The following PRKD1 variants were observed in gnomAD, a reference collection of about 807,000 sequenced individuals.
PRKD1 encodes protein kinase D1.
A neutral mutation model predicts 95.9 loss-of-function variants in PRKD1; 63 were observed. The ratio of observed to expected loss-of-function variants is 0.66; its 90% confidence interval spans 0.54 to 0.81. The LOEUF (loss-of-function observed/expected upper bound fraction) is 0.81, where lower values mean the gene tolerates loss of function less well. Ranked by LOEUF, PRKD1 falls within the 30% of genes least tolerant of loss-of-function variation. The probability of loss-of-function intolerance (pLI) is 0.00; values close to 1 mark genes in which losing one functional copy is unlikely to be tolerated. For synonymous variants in PRKD1, 425 were observed against 423.1 expected, an observed-to-expected ratio of 1.00 and a Z score of -0.05; for missense variants, 1,048 against 1,165.3, an observed-to-expected ratio of 0.90 and a Z score of 1.47.
At chr14:29,801,765 C>T (rs987548439) in intron 1 of PRKD1, among the ~76,000 whole-genome samples, 3 of 152,022 alleles carry the variant, frequency 2.0e-5, no homozygotes, top group South Asian at 4.1e-4. Flanking sequence ...CTCGGCTCAT[C>T]GCAACCTCCG....
rs201541198 is a variant in PRKD1, at chr14:29,612,710, TA to T, written c.1905+11441del. 7.3e-3 allele frequency among the ~76,000 whole-genome samples: 1,108 copies of T among 152,314 alleles called. 23 individuals carry two copies. Among genetic ancestry groups the T allele is most frequent in the Admixed American group, 0.035 (530 of 15,296 alleles). On this transcript the variant is annotated intron_variant, in intron 13 of 17. Transcript: ENST00000331968. The stretch of plus-strand genomic sequence containing the variant: ...TTGTTTTCCCTATTTTAGACATATA[TA>T]CATAACCTATACAGTTTATTTTGGA...
chr14:29,635,412 T>C (rs1880300786), intron 7 of PRKD1, among the ~76,000 whole-genome samples: 1 of 152,160 alleles, frequency 6.6e-6, no homozygotes, highest in Non-Finnish European at 1.5e-5. Flanking sequence ...TAAAGAAGTG[T>C]ATGTCTTCAA....
At chr14:29,754,842 T>A (rs1887625757) in intron 1 of PRKD1, among the ~76,000 whole-genome samples, 1 of 152,138 alleles carries the variant, frequency 6.6e-6, no homozygotes, top group South Asian at 2.1e-4. Flanking sequence ...GTTTAGTATT[T>A]TTTATCCAAC....
chr14:29,594,992 CTTT>C (rs113886267), intron 16 of PRKD1, among the ~76,000 whole-genome samples: 1 of 145,718 alleles, frequency 6.9e-6, no homozygotes, highest in South Asian at 2.2e-4. Flanking sequence ...AGCTAGGTAA[CTTT>C]TTTTTTTTTT....
chr14:29,586,477 G>A (rs1892933280), intron 16 of PRKD1, among the ~76,000 whole-genome samples: 1 of 152,052 alleles, frequency 6.6e-6, no homozygotes, highest in Non-Finnish European at 1.5e-5. Flanking sequence ...TGGAAAATCT[G>A]GCTTATCAAC....
intron 2 of PRKD1, among the ~76,000 whole-genome samples, chr14:29,675,627 G>A (rs1883114905): frequency 6.6e-6 from 1 of 152,092 alleles, no homozygotes; most frequent in Admixed American, 6.6e-5. Context: ...TCCCATTACT[G>A]GGTATATACC....
In PRKD1 at chr14:29,663,148, CAT is replaced by C. The variant is rs61506580; in HGVS notation, c.696+549_696+550del. The stretch of plus-strand genomic sequence containing the variant: ...CTTATGGATATAGTTAATATTCTTC[CAT>C]ATATATATATATATATATATTCTAG... On this transcript the variant is annotated intron_variant, in intron 4 of 17. Coordinates refer to ENST00000331968, the MANE Select transcript of PRKD1 (RefSeq NM_002742.3). Among the ~76,000 whole-genome samples, 777 of 131,552 alleles carry C rather than the reference CAT, an allele frequency of 5.9e-3. 3 individuals are homozygous for C. The highest frequency in any genetic ancestry group is 0.015 in the East Asian group (71 of 4,636). 86.3% of individuals were successfully genotyped at this position (131,552 alleles called of 152,430 possible).
chr14:29,794,229 G>T (rs953259384), intron 1 of PRKD1, among the ~76,000 whole-genome samples: 1 of 151,670 alleles, frequency 6.6e-6, no homozygotes, highest in Admixed American at 6.6e-5. Context: ...ATGCACATTA[G>T]AGTATTTAGC....
chr14:29,601,756 A>G (rs1440659361), intron 13 of PRKD1, among the ~76,000 whole-genome samples: 5 of 152,214 alleles, frequency 3.3e-5, no homozygotes, highest in Non-Finnish European at 7.3e-5. Flanking sequence ...GGCACTATGG[A>G]ACATGTGATA....
intron 1 of PRKD1, among the ~76,000 whole-genome samples, chr14:29,763,437 G>A (rs1459813739): frequency 1.1e-5 from 1 of 91,766 alleles, no homozygotes; most frequent in Non-Finnish European, 2.2e-5. Flanking sequence ...GAGGGGGAGG[G>A]AGGGGGGAGG....
chr14:29,880,757 AC>A (rs138348202), intron 1 of PRKD1, among the ~76,000 whole-genome samples: 5,295 of 152,242 alleles, frequency 0.035, 115 homozygotes, highest in East Asian at 0.061. Context: ...GACCATGGGA[AC>A]CCACCTCTTC....
intron 3 of PRKD1, 100 bp from the exon 4 acceptor site, chr14:29,663,959 A>G: frequency 1.7e-6 from 2 of 1,196,336 alleles, no homozygotes; most frequent in East Asian, 2.6e-5. Flanking sequence ...TACAGCTTCC[A>G]TTTTCCTTGA....
chr14:29,627,939 A>ATAAC (rs1184091831), intron 11 of PRKD1, among the ~76,000 whole-genome samples: 1 of 152,162 alleles, frequency 6.6e-6, no homozygotes, highest in African/African-American at 2.4e-5. Context: ...AGGCTTTCCG[A>ATAAC]TAACTCAATG....
intron 1 of PRKD1, among the ~76,000 whole-genome samples, chr14:29,737,247 G>A (rs1350153626): frequency 2.0e-5 from 3 of 146,374 alleles, no homozygotes; most frequent in Admixed American, 6.9e-5. Context: ...GCGTGAACCC[G>A]GGAAGCGGAG....
At chr14:29,715,958 A>G (rs1323659816) in intron 2 of PRKD1, among the ~76,000 whole-genome samples, 1 of 152,204 alleles carries the variant, frequency 6.6e-6, no homozygotes. Flanking sequence ...ATTTTTTAGA[A>G]TGATTCTTAA....
At chr14:29,918,036 A>G (rs930372463) in intron 1 of PRKD1, among the ~76,000 whole-genome samples, 12 of 152,066 alleles carry the variant, frequency 7.9e-5, no homozygotes, top group Non-Finnish European at 1.5e-4. Context: ...TCACCCAGGT[A>G]CTAAGCCTAG....
chr14:29,679,183 A>G (rs1156947710), intron 2 of PRKD1, among the ~76,000 whole-genome samples: 4 of 152,364 alleles, frequency 2.6e-5, no homozygotes, highest in East Asian at 1.9e-4. Context: ...ATCTGATAAT[A>G]AGCAAAGAAT....
At chr14:29,741,676 A>G (rs533362881) in intron 1 of PRKD1, among the ~76,000 whole-genome samples, 2 of 152,042 alleles carry the variant, frequency 1.3e-5, no homozygotes, top group East Asian at 3.9e-4. Flanking sequence ...GCCTTCTATA[A>G]CTTCAATACA....
Position 29,734,028 on chromosome 14 carries a change from C to CTTTTTTTTTTTTTT in PRKD1, c.265-8368_265-8355dup, listed in dbSNP as rs58908662. Among the ~76,000 whole-genome samples, 54 of 64,666 alleles carry CTTTTTTTTTTTTTT rather than the reference C, an allele frequency of 8.4e-4. 6 individuals are homozygous for CTTTTTTTTTTTTTT. Among genetic ancestry groups the CTTTTTTTTTTTTTT allele is most frequent in the African/African-American group, 2.6e-3 (33 of 12,726 alleles). 42.4% of individuals were successfully genotyped at this position (64,666 alleles called of 152,430 possible). A position where few individuals can be genotyped will look rare whatever the true frequency, so the allele number is the denominator to read the frequency against. On this transcript the variant is annotated intron_variant, in intron 1 of 17. Transcript: ENST00000331968. Reference sequence around the variant, plus strand: ...CTGGTTTTGAGTCATACTTTCCTGCCTTTTTTTTTTTTTTTTTTTTTTTTT... The same window carrying CTTTTTTTTTTTTTT: ...CTGGTTTTGAGTCATACTTTCCTGCCTTTTTTTTTTTTTTTTTTTTTTTTTTTTTTTTTTTTTTT...
Sources: allele counts gnomAD v4.1 joint callset (sites outside exome capture counted in the v4.1 genomes callset), GRCh38; gene constraint gnomAD v4.1.1; transcripts MANE v1.5; gene names NCBI Gene and HGNC (gene_info 2026-07-23, HGNC 2026-07-21).